The following GEMIN2 variants were observed in gnomAD, a reference collection of about 807,000 sequenced individuals.
GEMIN2 encodes gem-associated protein 2.
GEMIN2 carries 37 observed loss-of-function variants against 45.8 expected under a neutral mutation model. That is an observed-to-expected ratio of 0.81 (90% CI 0.62 to 1.06). The LOEUF (loss-of-function observed/expected upper bound fraction) is 1.06. GEMIN2 is among the 50% of genes least tolerant of loss of function. The pLI, the probability that GEMIN2 is intolerant of heterozygous loss-of-function variation, is 0.00. For synonymous variants in GEMIN2, 101 were observed against 111.5 expected (o/e 0.91, Z 0.60); for missense variants, 335 against 321.8 (o/e 1.04, Z -0.31).
intron 8 of GEMIN2, 141 bp from the exon 9 acceptor site, chr14:39,133,520 C>G: frequency 2.4e-6 from 1 of 410,544 alleles, no homozygotes; most frequent in East Asian, 4.1e-5. Flanking sequence ...TCTGCTTTTT[C>G]TTTGAGGGCT....
intron 2 of GEMIN2, 106 bp downstream of exon 2, chr14:39,115,019 A>G (rs1462135266): frequency 1.2e-5 from 8 of 667,980 alleles, no homozygotes; most frequent in Admixed American, 2.6e-5. Context: ...AGATTTGACT[A>G]CTCCGTGCAA....
At position 39,136,536 on chromosome 14, in the gene GEMIN2, G is replaced by A. The variant is rs1024205202; in HGVS notation, c.*57G>A. On this transcript the variant is annotated 3_prime_UTR_variant, in exon 10 of 10. Coordinates refer to ENST00000308317, the MANE Select transcript of GEMIN2 (RefSeq NM_003616.3). ...TCTCATGAAGGCAGCCTAACTCTGA[G>A]GAAAACAATGCCAATTCAAGTACAG... The A allele has an allele frequency of 1.5e-6, 2 of 1,377,746 alleles. No individual in the cohort carries two copies. Among genetic ancestry groups the A allele is most frequent in the Non-Finnish European group, 2.1e-6 (2 of 971,122 alleles). 85.3% of individuals were successfully genotyped at this position (1,377,746 alleles called of 1,614,324 possible). A position where few individuals can be genotyped will look rare whatever the true frequency, so the allele number is the denominator to read the frequency against.
Position 39,135,211 on chromosome 14 carries a change from A to G in GEMIN2, c.771-1229A>G, listed in dbSNP as rs2052767517. Among the ~76,000 whole-genome samples the G allele has an allele frequency of 2.0e-5, 3 of 152,358 alleles. No individual in the cohort carries two copies. The South Asian group carries it at 6.2e-4, about 32-fold the overall frequency. On this transcript the variant is annotated intron_variant, in intron 9 of 9. Transcript: ENST00000308317. ...GTATTTTTTGCCCTCAAAAAGTTAG[A>G]TAAAAATGGAAAAAGTTCTAGACTA...
chr14:39,115,878 AG>A (rs941384955), intron 2 of GEMIN2, among the ~76,000 whole-genome samples: 2 of 152,210 alleles, frequency 1.3e-5, no homozygotes, highest in East Asian at 1.9e-4. Flanking sequence ...AAGACAAAAA[AG>A]GTTCCTACCC....
intron 6 of GEMIN2, among the ~76,000 whole-genome samples, chr14:39,126,750 GTTTT>G (rs1239744106): frequency 6.9e-6 from 1 of 144,852 alleles, no homozygotes; most frequent in South Asian, 2.3e-4. Context: ...TAAACTGATG[GTTTT>G]TTTGTTTTGT....
intron 9 of GEMIN2, among the ~76,000 whole-genome samples, chr14:39,135,544 C>T (rs1194869998): frequency 6.6e-6 from 1 of 151,656 alleles, no homozygotes; most frequent in Non-Finnish European, 1.5e-5. Flanking sequence ...TGAGATCGTG[C>T]CATTGCACTC....
rs774225790 is a variant in GEMIN2 at position 39,136,412 on chromosome 14, C to T, written c.771-28C>T. 9 of 1,141,534 alleles carry T rather than the reference C, an allele frequency of 7.9e-6. No homozygotes were observed. In the South Asian group the frequency reaches 8.6e-5, roughly 11 times the overall value. 70.7% of individuals were successfully genotyped at this position (1,141,534 alleles called of 1,614,324 possible). ...TAGTGCTACAGTTAATATCTTTATA[C>T]ATAAATTTTTTGTTTTTTTTTTACT... On this transcript the variant is annotated intron_variant, in intron 9 of 9. Coordinates refer to ENST00000308317, the MANE Select transcript of GEMIN2 (RefSeq NM_003616.3).
intron 5 of GEMIN2, 191 bp downstream of exon 5, chr14:39,122,734 T>G (rs1404536103): frequency 4.9e-6 from 2 of 407,262 alleles, no homozygotes; most frequent in Non-Finnish European, 8.7e-6. Flanking sequence ...AGACTTTATG[T>G]GGCCTGCAAA....
chr14:39,118,351 T>A (rs531770587), intron 3 of GEMIN2, among the ~76,000 whole-genome samples, 189 bp from the exon 4 acceptor site: 1 of 152,314 alleles, frequency 6.6e-6, no homozygotes, highest in South Asian at 2.1e-4. Context: ...TAGTGGTGAT[T>A]TCTGAGATTT....
rs145008093 is a variant in GEMIN2, at chr14:39,135,307, C to T, written c.771-1133C>T. 3.0e-4 allele frequency among the ~76,000 whole-genome samples: 46 copies of T among 152,156 alleles called. No homozygotes were observed. The East Asian group carries it at 7.1e-3, about 24-fold the overall frequency. ...TTTGAAAGTTTAGGAAAAAAAGGAC[C>T]GGGCATGGTGGCTCATACCTGTAAT... On this transcript the variant is annotated intron_variant, in intron 9 of 9. Transcript: ENST00000308317.
chr14:39,114,551 C>G (rs1464596725), intron 1 of GEMIN2, 76 bp downstream of exon 1: 2 of 1,097,472 alleles, frequency 1.8e-6, no homozygotes, highest in Non-Finnish European at 2.7e-6. Flanking sequence ...GCTCTATTCC[C>G]GTTCCAGTCT....
chr14:39,132,360 G>A (rs1241786720), intron 8 of GEMIN2, among the ~76,000 whole-genome samples: 5 of 151,988 alleles, frequency 3.3e-5, no homozygotes, highest in Admixed American at 1.3e-4. Context: ...GTGAAACCCC[G>A]TCTCTACTAA....
intron 2 of GEMIN2, among the ~76,000 whole-genome samples, chr14:39,115,206 CTTGT>C (rs901262136): frequency 6.8e-6 from 1 of 147,610 alleles, no homozygotes; most frequent in Non-Finnish European, 1.5e-5. Flanking sequence ...TTATTTTTTG[CTTGT>C]TTGTTTGTTT....
At position 39,125,024 on chromosome 14, in the gene GEMIN2, C is replaced by T. The variant is rs535887611; in HGVS notation, c.519C>T (p.Ser173=). The T allele has an allele frequency of 5.5e-6, 8 of 1,447,960 alleles. No individual in the cohort carries two copies. Among genetic ancestry groups the T allele is most frequent in the Non-Finnish European group, 7.8e-6 (8 of 1,031,732 alleles). The allele number at this position is 1,447,960 out of a possible 1,614,324, so 89.7% of individuals were successfully genotyped here. A position where few individuals can be genotyped will look rare whatever the true frequency, so the allele number is the denominator to read the frequency against. ...IGFPPLLSIV[S]RMNQATVTSV... is the part of the protein sequence containing the mutation. ...TTCCTCCCTTGCTTAGTATTGTTAG[C>T]AGAATGAATCAGGTAAAATTAATAA... is the stretch of plus-strand genomic sequence containing the variant. The change falls in exon 6 of 10, where the codon AGC becomes AGT. Residue 173 remains serine (S), a synonymous_variant. Coordinates refer to ENST00000308317, the MANE Select transcript of GEMIN2 (RefSeq NM_003616.3).
intron 7 of GEMIN2, among the ~76,000 whole-genome samples, chr14:39,130,808 T>G (rs1200912634): frequency 6.6e-6 from 1 of 151,940 alleles, no homozygotes; most frequent in Non-Finnish European, 1.5e-5. Context: ...GGCAGGAGGA[T>G]TGCTTGAACC....
At chr14:39,135,920 C>A (rs946699946) in intron 9 of GEMIN2, among the ~76,000 whole-genome samples, 1 of 151,606 alleles carries the variant, frequency 6.6e-6, no homozygotes, top group Non-Finnish European at 1.5e-5. Context: ...TTCATTGTTT[C>A]TTTTTAAAAG....
intron 9 of GEMIN2, among the ~76,000 whole-genome samples, chr14:39,135,478 C>T (rs778300580): frequency 4.0e-5 from 6 of 151,760 alleles, no homozygotes; most frequent in African/African-American, 7.3e-5. Flanking sequence ...CCCAGCTACT[C>T]GGGATGGTGA....
At chr14:39,120,737 C>T (rs182442653) in intron 4 of GEMIN2, among the ~76,000 whole-genome samples, 2 of 152,302 alleles carry the variant, frequency 1.3e-5, no homozygotes, top group Non-Finnish European at 2.9e-5. Context: ...AAGCAATTCT[C>T]CTGCCTCAGC....
chr14:39,133,069 TAATG>T (rs1210192119), intron 8 of GEMIN2, among the ~76,000 whole-genome samples: 4 of 142,390 alleles, frequency 2.8e-5, no homozygotes, highest in East Asian at 2.0e-4. Context: ...TATAATTCAG[TAATG>T]AATATATATA....
Sources: allele counts gnomAD v4.1 joint callset (sites outside exome capture counted in the v4.1 genomes callset), GRCh38; gene constraint gnomAD v4.1.1; transcripts MANE v1.5; gene names NCBI Gene and HGNC (gene_info 2026-07-23, HGNC 2026-07-21).